Variants in RAP1GDS1 observed in about 807,000 individuals in gnomAD.
RAP1GDS1 encodes the protein Rap1 GTPase-GDP dissociation stimulator 1.
Under a neutral mutation model 71.1 loss-of-function variants are expected in RAP1GDS1, and 35 were observed. The ratio of observed to expected loss-of-function variants is 0.49; its 90% CI spans 0.38 to 0.65. The LOEUF is 0.65. Among genes scored for constraint, RAP1GDS1 ranks in the 30% least tolerant of loss-of-function variants. The pLI is 0.00. For synonymous variants in RAP1GDS1, 229 were observed against 243.1 expected (o/e 0.94, Z 0.54); for missense variants, 663 against 706.1 (o/e 0.94, Z 0.69).
At chr4:98,362,732 C>G (rs888000060) in intron 4 of RAP1GDS1, among the ~76,000 whole-genome samples, 1 of 152,118 alleles carries the variant, frequency 6.6e-6, no homozygotes. Context: ...ATTGTTCTCT[C>G]CCTTTGAGGA....
intron 3 of RAP1GDS1, among the ~76,000 whole-genome samples, chr4:98,350,468 A>C (rs1737000795): frequency 6.6e-6 from 1 of 152,130 alleles, no homozygotes; most frequent in Non-Finnish European, 1.5e-5. Context: ...GCATTTTGGG[A>C]GGCCACAATG....
In RAP1GDS1 at chr4:98,343,189, G is replaced by T. The variant is rs781329868; in HGVS notation, c.163G>T (p.Ala55Ser). The part of the protein sequence containing the change: ...IQASGILQLF[A>S]SLLTPQSSCK... ...AGCAAGTGGAATACTTCAGCTGTTT[G>T]CAAGTCTGTTGACTCCACAGTCTTC... Residue 55 changes from alanine to serine, a missense_variant, in exon 3 of 15, where the codon GCA becomes TCA. By Grantham distance (99) the Ala-to-Ser change is moderately conservative. Transcript: ENST00000408927. 6.8e-6 allele frequency: 11 copies of T among 1,607,516 alleles called. No individual in the cohort carries two copies. The highest frequency in any genetic ancestry group is 6.6e-5 in the South Asian group (6 of 90,918).
At chr4:98,428,254 A>G (rs763047314) in intron 12 of RAP1GDS1, among the ~76,000 whole-genome samples, 2 of 152,230 alleles carry the variant, frequency 1.3e-5, no homozygotes, top group Non-Finnish European at 2.9e-5. Flanking sequence ...ATTCTAGAAG[A>G]TAATATCAGA....
intron 2 of RAP1GDS1, among the ~76,000 whole-genome samples, chr4:98,294,727 G>A (rs775497680): frequency 6.6e-6 from 1 of 151,944 alleles, no homozygotes; most frequent in Non-Finnish European, 1.5e-5. Context: ...CACTCTCTTG[G>A]GGATCACAGA....
At chr4:98,269,136 C>T (rs1057207761) in intron 1 of RAP1GDS1, among the ~76,000 whole-genome samples, 1 of 108,936 alleles carries the variant, frequency 9.2e-6, no homozygotes, top group Non-Finnish European at 1.8e-5. Context: ...ATAGAGAGGC[C>T]AGAAATAAAC....
intron 1 of RAP1GDS1, among the ~76,000 whole-genome samples, chr4:98,282,291 G>A (rs1249926343): frequency 6.6e-6 from 1 of 152,162 alleles, no homozygotes; most frequent in Non-Finnish European, 1.5e-5. Context: ...TTCAGAACCT[G>A]TTATTGGTCT....
chr4:98,285,259 G>T (rs1287295103), intron 1 of RAP1GDS1, among the ~76,000 whole-genome samples: 1 of 152,102 alleles, frequency 6.6e-6, no homozygotes, highest in Non-Finnish European at 1.5e-5. Context: ...AGCCTAAAAA[G>T]ACATTTGCCT....
At chr4:98,275,018 CTGTGTGTG>C (rs3974887) in intron 1 of RAP1GDS1, among the ~76,000 whole-genome samples, 5 of 144,926 alleles carry the variant, frequency 3.5e-5, no homozygotes, top group African/African-American at 5.0e-5. Context: ...TTGTTTGCAG[CTGTGTGTG>C]TGTGTGTGTG....
intron 12 of RAP1GDS1, among the ~76,000 whole-genome samples, chr4:98,429,223 A>T (rs941241532): frequency 6.7e-6 from 1 of 150,140 alleles, no homozygotes; most frequent in Non-Finnish European, 1.5e-5. Flanking sequence ...GCACCACTGC[A>T]CTCCAGCCTG....
At chr4:98,416,399 T>C (rs960476313) in intron 7 of RAP1GDS1, among the ~76,000 whole-genome samples, 1 of 128,436 alleles carries the variant, frequency 7.8e-6, no homozygotes, top group Non-Finnish European at 1.5e-5. Flanking sequence ...CAGGCTGGAG[T>C]GCAGTGTTGC....
chr4:98,292,622 A>T (rs1176425131), intron 1 of RAP1GDS1, among the ~76,000 whole-genome samples: 1 of 152,038 alleles, frequency 6.6e-6, no homozygotes, highest in African/African-American at 2.4e-5. Flanking sequence ...TTAGGAAATA[A>T]TTTTTTTCAT....
intron 2 of RAP1GDS1, among the ~76,000 whole-genome samples, chr4:98,326,063 C>T (rs559431472): frequency 2.9e-4 from 44 of 152,306 alleles, no homozygotes; most frequent in Middle Eastern, 3.4e-3. Flanking sequence ...AGTGTCTCAT[C>T]TGTTCAGTAA....
intron 6 of RAP1GDS1, chr4:98,396,703 C>T (rs914900014): frequency 6.6e-6 from 1 of 152,160 alleles, no homozygotes; most frequent in African/African-American, 2.4e-5. Context: ...TATACATCAA[C>T]ACGGGAGTGG....
At chr4:98,321,106 G>A (rs1476184921) in intron 2 of RAP1GDS1, among the ~76,000 whole-genome samples, 26 of 145,776 alleles carry the variant, frequency 1.8e-4, no homozygotes, top group African/African-American at 6.1e-4. Flanking sequence ...ACCAAGGCTC[G>A]AGAACTACGT....
intron 12 of RAP1GDS1, among the ~76,000 whole-genome samples, chr4:98,422,281 A>G (rs1183892805): frequency 1.3e-5 from 2 of 152,014 alleles, no homozygotes; most frequent in Non-Finnish European, 2.9e-5. Context: ...ACAGTGGCAC[A>G]ATCTCAGCTC....
intron 1 of RAP1GDS1, among the ~76,000 whole-genome samples, chr4:98,291,976 TACTC>T (rs1307937173): frequency 6.6e-6 from 1 of 152,186 alleles, no homozygotes; most frequent in Non-Finnish European, 1.5e-5. Context: ...GCTGTTAAAA[TACTC>T]ACGTGTTTTC....
intron 1 of RAP1GDS1, among the ~76,000 whole-genome samples, chr4:98,277,491 A>G (rs184237220): frequency 6.6e-6 from 1 of 152,184 alleles, no homozygotes; most frequent in East Asian, 1.9e-4. Flanking sequence ...TGTCCCCTAT[A>G]TTCTTCGTCA....
At chr4:98,284,920 T>A (rs1171909802) in intron 1 of RAP1GDS1, among the ~76,000 whole-genome samples, 1 of 152,100 alleles carries the variant, frequency 6.6e-6, no homozygotes, top group Non-Finnish European at 1.5e-5. Context: ...ATGATTTAGA[T>A]CATGCCAGCT....
At chr4:98,401,369 TAGAA>T (rs770530680) in intron 6 of RAP1GDS1, among the ~76,000 whole-genome samples, 5 of 152,142 alleles carry the variant, frequency 3.3e-5, no homozygotes, top group African/African-American at 2.4e-5. Flanking sequence ...TACATATAAT[TAGAA>T]AGATGATGGA....
Sources: allele counts gnomAD v4.1 joint callset (sites outside exome capture counted in the v4.1 genomes callset), GRCh38; gene constraint gnomAD v4.1.1; transcripts MANE v1.5; gene names NCBI Gene and HGNC (gene_info 2026-07-23, HGNC 2026-07-21).